Variants in NIPA1 observed in about 807,000 individuals in gnomAD.
The protein encoded by NIPA1 is magnesium transporter NIPA1.
In NIPA1, 13 loss-of-function variants were observed where a neutral mutation model predicts 23.9. That is an observed-to-expected ratio of 0.54 (90% CI 0.35 to 0.87). NIPA1 has a LOEUF of 0.87. Ranked by LOEUF, NIPA1 falls within the 40% of genes least tolerant of loss-of-function variation. The probability of loss-of-function intolerance (pLI) is 0.01; values close to 1 mark genes in which losing one functional copy is unlikely to be tolerated. For synonymous variants in NIPA1, 234 were observed against 202.9 expected (o/e 1.15, Z -1.30); for missense variants, 362 against 429.7 (o/e 0.84, Z 1.39).
At chr15:22,805,103 G>T (rs1186712906) in intron 1 of NIPA1, among the ~76,000 whole-genome samples, 1 of 152,074 alleles carries the variant, frequency 6.6e-6, no homozygotes, top group Non-Finnish European at 1.5e-5. Context: ...GCCTCCCAAA[G>T]TGCTGGGATT....
chr15:22,801,160 G>A (rs1270993107), intron 1 of NIPA1, among the ~76,000 whole-genome samples: 2 of 152,002 alleles, frequency 1.3e-5, no homozygotes, highest in Non-Finnish European at 2.9e-5. Context: ...AGTCTGTCGT[G>A]AGCTTGTCCC....
At chr15:22,805,707 A>C (rs1488691177) in intron 1 of NIPA1, among the ~76,000 whole-genome samples, 1 of 151,980 alleles carries the variant, frequency 6.6e-6, no homozygotes, top group Non-Finnish European at 1.5e-5. Context: ...GAAAAAGAAA[A>C]ATCTGTAAAA....
rs1895668658 is a variant in NIPA1 at position 22,827,122 on chromosome 15, T to A, written c.*2883T>A. The A allele has an allele frequency of 6.6e-6, 1 of 152,154 alleles. No homozygotes were observed. Among genetic ancestry groups the A allele is most frequent in the Admixed American group, 6.5e-5 (1 of 15,270 alleles). 9.4% of individuals were successfully genotyped at this position (152,154 alleles called of 1,614,324 possible). A position where few individuals can be genotyped will look rare whatever the true frequency, so the allele number is the denominator to read the frequency against. ...TACTATTCTTTGAAAAAAAAGATGC[T>A]TACTGTATACTTGTTTTCAAGCATC... is the stretch of plus-strand genomic sequence containing the variant. On this transcript the variant is annotated 3_prime_UTR_variant, in exon 5 of 5. Transcript: ENST00000337435.
chr15:22,823,641 G>A, intron 4 of NIPA1, 87 bp from the exon 5 acceptor site: 3 of 1,413,770 alleles, frequency 2.1e-6, no homozygotes, highest in Non-Finnish European at 2.9e-6. Context: ...GGTGGCGGGT[G>A]GGGGCCCGGG....
chr15:22,808,201 A>C (rs369488124), intron 1 of NIPA1, among the ~76,000 whole-genome samples: 1 of 152,208 alleles, frequency 6.6e-6, no homozygotes, highest in Admixed American at 6.5e-5. Context: ...AGTATTCGGC[A>C]TGCATTTTGG....
chr15:22,788,777 G>A (rs1224063978), intron 1 of NIPA1, among the ~76,000 whole-genome samples: 2 of 151,032 alleles, frequency 1.3e-5, no homozygotes, highest in Non-Finnish European at 3.0e-5. Flanking sequence ...TGATAAGCTG[G>A]GTGCAGTGGC....
At chr15:22,796,962 A>G (rs1894950425) in intron 1 of NIPA1, among the ~76,000 whole-genome samples, 2 of 152,178 alleles carry the variant, frequency 1.3e-5, no homozygotes, top group South Asian at 4.1e-4. Flanking sequence ...TAAAATCTGG[A>G]AAGTACAGAA....
chr15:22,814,206 C>A, intron 3 of NIPA1: 1 of 770,066 alleles, frequency 1.3e-6, no homozygotes, highest in Non-Finnish European at 1.9e-6. Flanking sequence ...TGGAAAAAAA[C>A]AATCAAAGAT....
intron 1 of NIPA1, among the ~76,000 whole-genome samples, chr15:22,810,292 A>T (rs1371116694): frequency 6.6e-6 from 1 of 152,158 alleles, no homozygotes; most frequent in East Asian, 1.9e-4. Context: ...GAAGAGTCGT[A>T]TCAGAAGAGT....
chr15:22,791,429 T>A (rs1428768276), intron 1 of NIPA1, among the ~76,000 whole-genome samples: 1 of 150,200 alleles, frequency 6.7e-6, no homozygotes, highest in African/African-American at 2.4e-5. Flanking sequence ...CAAGTTCTGG[T>A]GACAGTCCTT....
At chr15:22,795,368 C>T (rs1050229040) in intron 1 of NIPA1, among the ~76,000 whole-genome samples, 3 of 152,038 alleles carry the variant, frequency 2.0e-5, no homozygotes, top group Admixed American at 6.6e-5. Flanking sequence ...GACTGGGCTC[C>T]GCTGGGCGAC....
chr15:22,786,816 G>A lies in NIPA1; in HGVS notation c.160G>A (p.Val54Met). Residue 54 changes from valine to methionine, a missense_variant, in exon 1 of 5, where the codon GTG becomes ATG. By Grantham distance (21) the Val-to-Met change is conservative (BLOSUM62 1). Transcript: ENST00000337435. ...STFVLQKKGI[V>M]RAKRRGTSYL... is the part of the protein sequence containing the mutation. Reference sequence around the variant, plus strand: ...GTTCGTGCTACAGAAGAAGGGCATCGTGCGTGCCAAGCGGCGAGGTAGGGC... The same window carrying A: ...GTTCGTGCTACAGAAGAAGGGCATCATGCGTGCCAAGCGGCGAGGTAGGGC... The A allele has an allele frequency of 7.9e-7, 1 of 1,259,404 alleles. No individual in the cohort carries two copies. The highest frequency in any genetic ancestry group is 1.0e-6 in the Non-Finnish European group (1 of 980,328). 78.0% of individuals were successfully genotyped at this position (1,259,404 alleles called of 1,614,324 possible).
chr15:22,813,961 C>T (rs1895366825), intron 3 of NIPA1: 5 of 443,774 alleles, frequency 1.1e-5, no homozygotes, highest in South Asian at 4.8e-5. Context: ...GATCTTGGCA[C>T]GTGGCACATT....
intron 1 of NIPA1, among the ~76,000 whole-genome samples, chr15:22,799,465 C>T (rs988168901): frequency 1.3e-5 from 2 of 151,706 alleles, no homozygotes; most frequent in Non-Finnish European, 2.9e-5. Context: ...GGCAACATGG[C>T]GAAACCTCAT....
intron 1 of NIPA1, among the ~76,000 whole-genome samples, chr15:22,788,061 C>A (rs933273847): frequency 6.6e-6 from 1 of 152,142 alleles, no homozygotes; most frequent in Admixed American, 6.5e-5. Context: ...CTTCAGGGAG[C>A]ATCTGTCCGT....
chr15:22,812,385 C>T (rs753746290), intron 3 of NIPA1, 132 bp downstream of exon 3: 224 of 698,508 alleles, frequency 3.2e-4, no homozygotes, highest in Non-Finnish European at 5.2e-4. Context: ...GGCATGGTGG[C>T]TTACGCCTGT....
At chr15:22,801,705 C>T (rs1425367988) in intron 1 of NIPA1, among the ~76,000 whole-genome samples, 3 of 151,770 alleles carry the variant, frequency 2.0e-5, no homozygotes, top group African/African-American at 4.8e-5. Flanking sequence ...TTAGTAGAGA[C>T]GGGGTTTCAC....
At chr15:22,793,921 G>T (rs1238818793) in intron 1 of NIPA1, among the ~76,000 whole-genome samples, 1 of 152,084 alleles carries the variant, frequency 6.6e-6, no homozygotes, top group Non-Finnish European at 1.5e-5. Context: ...TGTCCCATTG[G>T]TCTGTGTGTC....
intron 1 of NIPA1, among the ~76,000 whole-genome samples, chr15:22,789,000 G>T (rs1219314447): frequency 7.0e-6 from 1 of 142,772 alleles, no homozygotes; most frequent in African/African-American, 2.6e-5. Flanking sequence ...TTTTTATTAT[G>T]ATTTTTTTTT....
Sources: gnomAD v4.1 joint callset for allele counts (sites outside exome capture counted in the v4.1 genomes callset) on GRCh38, gnomAD v4.1.1 for gene constraint, MANE v1.5 for transcripts, NCBI Gene and HGNC (gene_info 2026-07-23, HGNC 2026-07-21) for gene names.